The following NSD2 variants were observed in gnomAD, a reference collection of about 807,000 sequenced individuals.
NSD2 encodes the protein nuclear receptor binding SET domain protein 2, also known as histone-lysine N-methyltransferase NSD2.
Under a neutral mutation model 139.0 loss-of-function variants are expected in NSD2, and 12 were observed. That is an observed-to-expected ratio of 0.09 (90% confidence interval 0.06 to 0.14). The LOEUF (loss-of-function observed/expected upper bound fraction) is 0.14. NSD2 is among the 10% of genes least tolerant of loss of function. The probability of loss-of-function intolerance (pLI) is 1.00; values close to 1 mark genes in which losing one functional copy is unlikely to be tolerated. For missense variants in NSD2, 1,155 were observed against 1,745.0 expected (o/e 0.66, Z 6.02); for synonymous variants, 669 against 648.7 (o/e 1.03, Z -0.48).
At chr4:1,951,233 G>T (rs186016067) in intron 10 of NSD2, 30 bp downstream of exon 10, 5 of 1,613,020 alleles carry the variant, frequency 3.1e-6, no homozygotes, top group Middle Eastern at 1.7e-4. Flanking sequence ...CGCTATGTCC[G>T]TGCTGGTGTC....
In NSD2 at chr4:1,942,828, G is replaced by T; in HGVS notation, c.1881+3050G>T. ...AAACTAACAGCACACGTTAGGAGGA[G>T]TCCTCATCAGCTGTTCTCATTGCCA... On this transcript the variant is annotated intron_variant, in intron 9 of 21. Transcript: ENST00000508803. This position sits in a 1 kb window ranked among gnomAD's most constrained non-coding sequence, Gnocchi z 4.0. The T allele has an allele frequency of 9.3e-7, 1 of 1,069,530 alleles. No individual in the cohort carries two copies. The highest frequency in any genetic ancestry group is 1.1e-6 in the Non-Finnish European group (1 of 881,552). The allele number at this position is 1,069,530 out of a possible 1,614,324, so 66.3% of individuals were successfully genotyped here.
chr4:1,879,367 C>T (rs1336582096), intron 1 of NSD2, among the ~76,000 whole-genome samples: 2 of 151,898 alleles, frequency 1.3e-5, no homozygotes, highest in African/African-American at 2.4e-5. Flanking sequence ...TACAGGCGCC[C>T]GCCACCATGC....
chr4:1,885,122 AT>A (rs140200637), intron 1 of NSD2, among the ~76,000 whole-genome samples: 2,843 of 148,808 alleles, frequency 0.019, 40 homozygotes, highest in Non-Finnish European at 0.025. Context: ...AAAAAAAAAA[AT>A]AAAAATAAAA....
chr4:1,872,292 T>C lies in NSD2; in HGVS notation c.-30+750T>C, dbSNP rs920084439. Among the ~76,000 whole-genome samples the C allele has an allele frequency of 2.0e-5, 3 of 152,132 alleles. No homozygotes were observed. The South Asian group carries it at 6.2e-4, about 31-fold the overall frequency. ...TGTTCCCCTCGCCCCAGGATGCAGA[T>C]TGATAGTCCTTGAAGCCTCAGTGCA... On this transcript the variant is annotated intron_variant, in intron 1 of 21. Transcript: ENST00000508803.
Position 1,980,561 on chromosome 4 carries a change from A to G in NSD2, c.*1652A>G, listed in dbSNP as rs1181776710. 4.3e-6 allele frequency: 1 copy of G among 233,088 alleles called. No homozygotes were observed. The highest frequency in any genetic ancestry group is 6.0e-5 in the East Asian group (1 of 16,600). 14.4% of individuals were successfully genotyped at this position (233,088 alleles called of 1,614,324 possible). ...AAAAACTGCAGTGTCTTTGGACCTG[A>G]GAGTGGCTACTCCGTGGTTTTGTGA... On this transcript the variant is annotated 3_prime_UTR_variant, in exon 22 of 22. Transcript: ENST00000508803.
intron 3 of NSD2, among the ~76,000 whole-genome samples, chr4:1,911,912 T>C (rs1577417838): frequency 6.6e-6 from 1 of 152,230 alleles, no homozygotes; most frequent in East Asian, 1.9e-4. Context: ...GGAGCATTTA[T>C]CTGTGTCATT....
rs1389792778 is a variant in NSD2 at position 1,981,964 on chromosome 4, G to A, written c.*3055G>A. 1 of 398,506 alleles carries A rather than the reference G, an allele frequency of 2.5e-6. No individual in the cohort carries two copies. The highest frequency in any genetic ancestry group is 3.6e-5 in the East Asian group (1 of 28,070). The allele number at this position is 398,506 out of a possible 1,614,324, so 24.7% of individuals were successfully genotyped here. ...AAATACAAACTTAAATGTGCCTATT[G>A]GTGTCTAAACTTCATACAATGTAAG... On this transcript the variant is annotated 3_prime_UTR_variant, in exon 22 of 22. Coordinates refer to ENST00000508803, the MANE Select transcript of NSD2 (RefSeq NM_001042424.3).
At chr4:1,938,377 CTT>C in intron 7 of NSD2, 72 bp from the exon 8 acceptor site, 1 of 978,408 alleles carries the variant, frequency 1.0e-6, no homozygotes, top group Non-Finnish European at 1.3e-6. Context: ...TGTTCTTTTT[CTT>C]TTTTTTTCCT....
At chr4:1,894,111 T>C (rs968538062) in intron 1 of NSD2, among the ~76,000 whole-genome samples, 4 of 152,068 alleles carry the variant, frequency 2.6e-5, no homozygotes, top group Non-Finnish European at 5.9e-5. Context: ...TGTGTGTCAC[T>C]GTACCTGGCT....
chr4:1,948,145 A>T lies in NSD2; in HGVS notation c.1882-2927A>T. On this transcript the variant is annotated intron_variant, in intron 9 of 21. Coordinates refer to ENST00000508803, the MANE Select transcript of NSD2 (RefSeq NM_001042424.3). The surrounding 1 kb of genome is among the most constrained non-coding windows in gnomAD (Gnocchi z 4.5). ...AGTAGAGAGTGGAGAAAGTATTTTC[A>T]GACTGAAGAAAACTTTGAAAAGTCA... 1 of 1,061,898 alleles carries T rather than the reference A, an allele frequency of 9.4e-7. No individual in the cohort carries two copies. The highest frequency in any genetic ancestry group is 5.1e-5 in the East Asian group (1 of 19,640). The allele number at this position is 1,061,898 out of a possible 1,614,324, so 65.8% of individuals were successfully genotyped here. A position where few individuals can be genotyped will look rare whatever the true frequency, so the allele number is the denominator to read the frequency against.
intron 1 of NSD2, among the ~76,000 whole-genome samples, chr4:1,875,674 G>A (rs1283589805): frequency 3.9e-5 from 6 of 151,944 alleles, no homozygotes; most frequent in Admixed American, 1.3e-4. Flanking sequence ...AGGCCGAGGC[G>A]GTTGGATCAC....
rs568171973 is a variant in NSD2 at position 1,940,257 on chromosome 4, T to G, written c.1881+479T>G. 2.6e-5 allele frequency: 28 copies of G among 1,076,192 alleles called. No homozygotes were observed. In the South Asian group the frequency reaches 1.1e-3, roughly 41 times the overall value. The allele number at this position is 1,076,192 out of a possible 1,614,324, so 66.7% of individuals were successfully genotyped here. A position where few individuals can be genotyped will look rare whatever the true frequency, so the allele number is the denominator to read the frequency against. On this transcript the variant is annotated intron_variant, in intron 9 of 21. Transcript: ENST00000508803. ...GAGGAAGCCAAAGATTTCTTTGTTC[T>G]CATGCATTTCATGGCTTTGGTCCTT...
At position 1,893,556 on chromosome 4, in the gene NSD2, T is replaced by TG. The variant is rs1209049107; in HGVS notation, c.-29-7070_-29-7069insG. 7.2e-3 allele frequency among the ~76,000 whole-genome samples: 1,004 copies of TG among 139,824 alleles called. 12 individuals carry two copies. The highest frequency in any genetic ancestry group is 0.029 in the African/African-American group (947 of 32,750). The allele number at this position is 139,824 out of a possible 152,430, so 91.7% of individuals were successfully genotyped here. ...TTTTTGTTTTTTGTTTTTTTTTTTT[T>TG]TTTGTTTTGTTTTGAGACAAGGTCT... On this transcript the variant is annotated intron_variant, in intron 1 of 21. Coordinates refer to ENST00000508803, the MANE Select transcript of NSD2 (RefSeq NM_001042424.3).
intron 18 of NSD2, among the ~76,000 whole-genome samples, chr4:1,969,207 G>C (rs1726184269): frequency 2.6e-5 from 4 of 152,196 alleles, no homozygotes; most frequent in Admixed American, 2.6e-4. Context: ...ACACATCTTT[G>C]AAAGGATCAC....
chr4:1,973,438 T>C lies in NSD2; in HGVS notation c.3373-1425T>C, dbSNP rs147336225. 3.4e-4 allele frequency among the ~76,000 whole-genome samples: 52 copies of C among 152,358 alleles called. No individual in the cohort carries two copies. The highest frequency in any genetic ancestry group is 1.2e-3 in the Admixed American group (18 of 15,306). ...TGCAGAAGTGGTGTGCATGCCAACG[T>C]GCACATCAGCACCGCGGCTCAGCGC... On this transcript the variant is annotated intron_variant, in intron 18 of 21. Transcript: ENST00000508803. The surrounding 1 kb of genome is among the most constrained non-coding windows in gnomAD (Gnocchi z 5.5).
intron 3 of NSD2, among the ~76,000 whole-genome samples, chr4:1,909,065 C>A (rs1718318907): frequency 6.6e-6 from 1 of 151,520 alleles, no homozygotes; most frequent in Admixed American, 6.6e-5. Context: ...ATGAGCTCCT[C>A]CCTAAAAAAA....
At chr4:1,930,558 C>A in intron 5 of NSD2, 68 bp from the exon 6 acceptor site, 1 of 1,474,272 alleles carries the variant, frequency 6.8e-7, no homozygotes, top group Non-Finnish European at 9.1e-7. Flanking sequence ...CATTTGATTT[C>A]ATGCAAAACA....
chr4:1,981,692 G>GTGTT lies in NSD2; in HGVS notation c.*2787_*2790dup, dbSNP rs1727779213. On this transcript the variant is annotated 3_prime_UTR_variant, in exon 22 of 22. Transcript: ENST00000508803. ...CATGGCTGGCTGGGTCCCCTTCGCA[G>GTGTT]TGTTTGTCTGTCTTGACATCTAAAC... 5.1e-6 allele frequency: 2 copies of GTGTT among 395,428 alleles called. No individual in the cohort carries two copies. The highest frequency in any genetic ancestry group is 3.6e-5 in the East Asian group (1 of 28,000). The allele number at this position is 395,428 out of a possible 1,614,324, so 24.5% of individuals were successfully genotyped here.
chr4:1,927,312 G>A (rs970334966), intron 5 of NSD2, among the ~76,000 whole-genome samples: 1 of 152,166 alleles, frequency 6.6e-6, no homozygotes, highest in African/African-American at 2.4e-5. Context: ...AAGCAGTAGT[G>A]GGGGCTTGAG....
Sources: gnomAD v4.1 joint callset for allele counts (sites outside exome capture counted in the v4.1 genomes callset) on GRCh38, gnomAD v4.1.1 for gene constraint, Gnocchi (gnomAD v3.1) non-coding constraint, MANE v1.5 for transcripts, NCBI Gene and HGNC (gene_info 2026-07-23, HGNC 2026-07-21) for gene names.